ASCC3: variants seen among roughly 807,000 people sequenced by gnomAD.
ASCC3 encodes ASC-1 complex subunit P200.
In ASCC3, 158 loss-of-function variants were observed where a neutral mutation model predicts 256.3. The ratio of observed to expected loss-of-function variants is 0.62; its 90% CI spans 0.54 to 0.70. ASCC3 has a LOEUF of 0.70. Ranked by LOEUF, ASCC3 falls within the 30% of genes least tolerant of loss-of-function variation. ASCC3 has a pLI of 0.00. For synonymous variants in ASCC3, 948 were observed against 883.4 expected, an observed-to-expected ratio of 1.07 and a Z score of -1.30; for missense variants, 2,259 against 2,626.0, an observed-to-expected ratio of 0.86 and a Z score of 3.05.
At chr6:100,871,661 G>A (rs758158282) in intron 1 of ASCC3, among the ~76,000 whole-genome samples, 2 of 152,136 alleles carry the variant, frequency 1.3e-5, no homozygotes, top group East Asian at 3.9e-4. Flanking sequence ...AGCTACTCAG[G>A]AGGCTGAGGT....
chr6:100,642,021 G>A (rs1775145115), intron 24 of ASCC3, among the ~76,000 whole-genome samples: 1 of 146,262 alleles, frequency 6.8e-6, no homozygotes, highest in South Asian at 2.3e-4. Context: ...TGCGGAGTGG[G>A]GGGAGGGGGG....
At chr6:100,689,441 C>T (rs1273529299) in intron 13 of ASCC3, among the ~76,000 whole-genome samples, 1 of 152,164 alleles carries the variant, frequency 6.6e-6, no homozygotes, top group Admixed American at 6.5e-5. Flanking sequence ...TTTGCCATTT[C>T]AAAGCCTACT....
intron 4 of ASCC3, among the ~76,000 whole-genome samples, chr6:100,814,253 C>A (rs867717785): frequency 3.9e-5 from 6 of 152,122 alleles, no homozygotes; most frequent in Admixed American, 2.0e-4. Flanking sequence ...TATTGATTTG[C>A]ATATGCTGAA....
At chr6:100,685,379 G>T (rs531656415) in intron 13 of ASCC3, among the ~76,000 whole-genome samples, 28 of 152,166 alleles carry the variant, frequency 1.8e-4, no homozygotes, top group African/African-American at 6.7e-4. Context: ...TCTTAACCCA[G>T]GCTCTTCAAG....
At chr6:100,600,296 T>G (rs923767234) in intron 34 of ASCC3, among the ~76,000 whole-genome samples, 4 of 151,644 alleles carry the variant, frequency 2.6e-5, no homozygotes, top group African/African-American at 9.7e-5. Context: ...TATCAAGAAA[T>G]AGTAATGGGA....
At chr6:100,773,484 C>G (rs1340603600) in intron 8 of ASCC3, among the ~76,000 whole-genome samples, 1 of 152,144 alleles carries the variant, frequency 6.6e-6, no homozygotes, top group African/African-American at 2.4e-5. Flanking sequence ...TGGTTCTCTC[C>G]AATTCCCTAA....
chr6:100,685,049 C>T (rs239196), intron 13 of ASCC3, among the ~76,000 whole-genome samples: 69,551 of 151,640 alleles, frequency 0.46, 16,125 homozygotes, highest in Middle Eastern at 0.56. Context: ...CCTCGTGATC[C>T]GCCAGCCTCG....
At chr6:100,574,952 T>C (rs933170091) in intron 36 of ASCC3, among the ~76,000 whole-genome samples, 1 of 151,994 alleles carries the variant, frequency 6.6e-6, no homozygotes, top group Non-Finnish European at 1.5e-5. Flanking sequence ...AGTAGAAAGA[T>C]ACCTTTTTTC....
chr6:100,730,204 G>A (rs1360263346), intron 10 of ASCC3, among the ~76,000 whole-genome samples: 1 of 152,046 alleles, frequency 6.6e-6, no homozygotes, highest in Non-Finnish European at 1.5e-5. Flanking sequence ...GGCTGAAGTG[G>A]GAGGATTGCT....
At chr6:100,631,333 A>G (rs1774533625) in intron 25 of ASCC3, 120 bp from the exon 26 acceptor site, 1 of 715,104 alleles carries the variant, frequency 1.4e-6, no homozygotes, top group African/African-American at 1.8e-5. Context: ...TGTATCTTTT[A>G]ATTCTGAATA....
intron 13 of ASCC3, among the ~76,000 whole-genome samples, chr6:100,703,268 A>G (rs1194493609): frequency 5.3e-5 from 8 of 152,132 alleles, no homozygotes; most frequent in East Asian, 1.9e-4. Flanking sequence ...TATTTGGAAA[A>G]CACTATATTT....
At chr6:100,538,355 T>A (rs1430593077) in intron 37 of ASCC3, among the ~76,000 whole-genome samples, 1 of 152,150 alleles carries the variant, frequency 6.6e-6, no homozygotes, top group South Asian at 2.1e-4. Context: ...GTAAACCATG[T>A]GTTAGTTACA....
At chr6:100,518,185 T>C in intron 37 of ASCC3, 43 bp from the exon 38 acceptor site, 1 of 1,607,440 alleles carries the variant, frequency 6.2e-7, no homozygotes, top group Non-Finnish European at 8.5e-7. Context: ...TATATCATGG[T>C]ACTTGCCCCC....
intron 4 of ASCC3, among the ~76,000 whole-genome samples, chr6:100,827,161 A>G (rs1255538421): frequency 6.6e-6 from 1 of 152,212 alleles, no homozygotes; most frequent in Non-Finnish European, 1.5e-5. Flanking sequence ...ACTACCAATT[A>G]GTTTTCAGAA....
chr6:100,647,152 A>C, intron 21 of ASCC3, 74 bp downstream of exon 21: 1 of 1,292,278 alleles, frequency 7.7e-7, no homozygotes, highest in Non-Finnish European at 1.1e-6. Context: ...AATTCACAAT[A>C]CCTTCTTTTA....
chr6:100,643,982 A>T, intron 23 of ASCC3, 49 bp downstream of exon 23: 3 of 1,302,252 alleles, frequency 2.3e-6, no homozygotes, highest in South Asian at 1.2e-5. Context: ...TGTTAGTATA[A>T]TTTTTTTTAC....
At chr6:100,608,101 T>TATATATATCTATATATAC (rs1773032411) in intron 30 of ASCC3, among the ~76,000 whole-genome samples, 2 of 128,024 alleles carry the variant, frequency 1.6e-5, no homozygotes, top group Admixed American at 8.4e-5. Flanking sequence ...TATATACACA[T>TATATATATCTATATATAC]ATATATGTAT....
intron 13 of ASCC3, among the ~76,000 whole-genome samples, chr6:100,687,030 T>TCACACACACACA (rs1164501730): frequency 0.13 from 16,495 of 127,224 alleles, 1,118 homozygotes; most frequent in Middle Eastern, 0.2. Flanking sequence ...TCTCTCTCTC[T>TCACACACACACA]CTCTCACACA....
chr6:100,713,339 T>C (rs998237857), intron 13 of ASCC3, among the ~76,000 whole-genome samples: 12 of 152,080 alleles, frequency 7.9e-5, no homozygotes, highest in African/African-American at 2.9e-4. Flanking sequence ...ACATACTATG[T>C]GGTTCCAACT....
Sources: allele counts gnomAD v4.1 joint callset (sites outside exome capture counted in the v4.1 genomes callset), GRCh38; gene constraint gnomAD v4.1.1; transcripts MANE v1.5; gene names NCBI Gene and HGNC (gene_info 2026-07-23, HGNC 2026-07-21).